The following CAST variants were observed in gnomAD, a reference collection of about 807,000 sequenced individuals.
CAST encodes calpastatin, also known as MIR583 host.
In CAST, 76 loss-of-function variants were observed where a neutral mutation model predicts 119.6. That is an observed-to-expected ratio of 0.64 (90% CI 0.53 to 0.77). CAST has a LOEUF of 0.77. Among genes scored for constraint, CAST ranks in the 30% least tolerant of loss-of-function variants. The pLI is 0.00. For synonymous variants in CAST, 319 were observed against 331.6 expected (o/e 0.96, Z 0.41); for missense variants, 953 against 946.5 (o/e 1.01, Z -0.09).
the CAST span, among the ~76,000 whole-genome samples, chr5:96,222,398 C>T: frequency 2.6e-5 from 4 of 151,712 alleles, no homozygotes; most frequent in South Asian, 2.1e-4. Context: ...ACAAAGACCT[C>T]GAACAACACA....
intron 1 of CAST, among the ~76,000 whole-genome samples, chr5:96,557,818 T>C (rs1401562796): frequency 6.6e-6 from 1 of 152,112 alleles, no homozygotes; most frequent in Non-Finnish European, 1.5e-5. Context: ...TTAACAAGGA[T>C]ATCCAGAAAC....
At chr5:96,119,119 C>G in the CAST span, among the ~76,000 whole-genome samples, 2 of 151,932 alleles carry the variant, frequency 1.3e-5, no homozygotes, top group Non-Finnish European at 2.9e-5. Context: ...TAATCTGGTT[C>G]CCATGAGGGG....
At chr5:96,139,323 G>T in the CAST span, among the ~76,000 whole-genome samples, 1 of 151,320 alleles carries the variant, frequency 6.6e-6, no homozygotes, top group South Asian at 2.1e-4. Context: ...CAATGCCTAA[G>T]ACTTCCTAGT....
chr5:95,987,255 G>C, the CAST span, among the ~76,000 whole-genome samples: 3 of 152,058 alleles, frequency 2.0e-5, no homozygotes. Context: ...TTCATACTTT[G>C]ATCTGTAAAA....
the CAST span, among the ~76,000 whole-genome samples, chr5:96,360,709 A>G: frequency 6.6e-6 from 1 of 152,170 alleles, no homozygotes; most frequent in Non-Finnish European, 1.5e-5. Context: ...TGGAAGCTTC[A>G]TCCCAGAGGG....
At chr5:96,164,270 A>G in the CAST span, among the ~76,000 whole-genome samples, 2 of 152,268 alleles carry the variant, frequency 1.3e-5, no homozygotes, top group African/African-American at 2.4e-5. Flanking sequence ...CAAATATGTC[A>G]ATCTCTGTTC....
chr5:96,105,548 C>T, the CAST span, among the ~76,000 whole-genome samples: 34 of 152,080 alleles, frequency 2.2e-4, no homozygotes, highest in Middle Eastern at 6.8e-3. Context: ...TATTGATTTG[C>T]GTATATTGAA....
At chr5:96,197,392 G>T in the CAST span, among the ~76,000 whole-genome samples, 1 of 152,058 alleles carries the variant, frequency 6.6e-6, no homozygotes, top group African/African-American at 2.4e-5. Context: ...TTTCTGAGGG[G>T]TTTATTTTTG....
chr5:96,523,124 C>G (rs1745543733), upstream of CAST, among the ~76,000 whole-genome samples: 1 of 152,226 alleles, frequency 6.6e-6, no homozygotes, highest in Admixed American at 6.5e-5. Context: ...TACTGGAAAA[C>G]CTCCATCCAT....
the CAST span, among the ~76,000 whole-genome samples, chr5:96,109,095 C>G: frequency 1.3e-5 from 2 of 152,348 alleles, no homozygotes; most frequent in East Asian, 1.9e-4. Context: ...GCGCACGGTG[C>G]GTGCACCCAC....
chr5:96,024,913 G>T, the CAST span, among the ~76,000 whole-genome samples: 2 of 152,160 alleles, frequency 1.3e-5, no homozygotes, highest in East Asian at 3.9e-4. Flanking sequence ...CCAAGTAGAG[G>T]TCAGGCCTTC....
At chr5:96,248,763 T>C in the CAST span, among the ~76,000 whole-genome samples, 74 of 152,344 alleles carry the variant, frequency 4.9e-4, no homozygotes, top group Middle Eastern at 3.4e-3. Flanking sequence ...CATAGTTGTG[T>C]GTTAGCAAAG....
At chr5:96,043,301 A>G in the CAST span, among the ~76,000 whole-genome samples, 5 of 152,216 alleles carry the variant, frequency 3.3e-5, no homozygotes, top group Non-Finnish European at 7.4e-5. Context: ...TCTCAGTGTC[A>G]TAAAATTAAC....
At chr5:96,453,937 C>G in the CAST span, among the ~76,000 whole-genome samples, 27 of 152,152 alleles carry the variant, frequency 1.8e-4, no homozygotes, top group Non-Finnish European at 3.7e-4. Flanking sequence ...CTACATGCAT[C>G]CAGACCAAAA....
the CAST span, among the ~76,000 whole-genome samples, chr5:96,173,186 A>G: frequency 6.6e-6 from 1 of 152,204 alleles, no homozygotes; most frequent in Non-Finnish European, 1.5e-5. Flanking sequence ...AAGATGTTCA[A>G]AATATTCTGG....
the CAST span, among the ~76,000 whole-genome samples, chr5:96,430,697 A>C: frequency 6.6e-6 from 1 of 152,218 alleles, no homozygotes; most frequent in Non-Finnish European, 1.5e-5. Context: ...ACAAAGAATT[A>C]TTATTCTAAT....
chr5:96,773,083 C>A lies in CAST; in HGVS notation c.*467C>A, dbSNP rs571338771. 1.3e-5 allele frequency: 2 copies of A among 153,952 alleles called. No homozygotes were observed. The highest frequency in any genetic ancestry group is 4.1e-4 in the South Asian group (2 of 4,828). 9.5% of individuals were successfully genotyped at this position (153,952 alleles called of 1,614,324 possible). On this transcript the variant is annotated 3_prime_UTR_variant, in exon 32 of 32. Coordinates refer to ENST00000675179, the MANE Select transcript of CAST (RefSeq NM_001750.7). ...CAGTGTTCTGATTTCTTATTACCCC[C>A]TTTCCTCTTGGGCTTTTGAACTGTA...
chr5:96,061,420 T>C, the CAST span, among the ~76,000 whole-genome samples: 1 of 152,120 alleles, frequency 6.6e-6, no homozygotes, highest in African/African-American at 2.4e-5. Flanking sequence ...CCATCTATCA[T>C]TGTTTCAATG....
At chr5:96,493,980 A>G in the CAST span, among the ~76,000 whole-genome samples, 1 of 152,234 alleles carries the variant, frequency 6.6e-6, no homozygotes, top group Admixed American at 6.5e-5. Context: ...GGCTGCAGTG[A>G]GCAAGATCAT....
Sources: gnomAD v4.1 joint callset for allele counts (sites outside exome capture counted in the v4.1 genomes callset) on GRCh38, gnomAD v4.1.1 for gene constraint, MANE v1.5 for transcripts, NCBI Gene and HGNC (gene_info 2026-07-23, HGNC 2026-07-21) for gene names.